The following KIAA0319L variants were observed in gnomAD, a reference collection of about 807,000 sequenced individuals.
The protein encoded by KIAA0319L is KIAA0319 like, also known as dyslexia-associated protein KIAA0319-like protein.
Under a neutral mutation model 120.1 loss-of-function variants are expected in KIAA0319L, and 55 were observed. The observed-to-expected ratio is 0.46, with a 90% CI of 0.37 to 0.57. KIAA0319L has a LOEUF of 0.57. Among genes scored for constraint, KIAA0319L ranks in the 20% least tolerant of loss-of-function variants. The pLI, the probability that KIAA0319L is intolerant of heterozygous loss-of-function variation, is 0.00. For missense variants in KIAA0319L, 1,049 were observed against 1,255.3 expected (o/e 0.84, Z 2.48); for synonymous variants, 398 against 471.9 (o/e 0.84, Z 2.03).
chr1:35,523,594 T>C (rs549603921), intron 2 of KIAA0319L, among the ~76,000 whole-genome samples: 41 of 152,070 alleles, frequency 2.7e-4, no homozygotes, highest in African/African-American at 8.9e-4. Context: ...TAAATGACGG[T>C]TGGTAGATGA....
At chr1:35,519,678 C>T (rs1192640638) in intron 2 of KIAA0319L, among the ~76,000 whole-genome samples, 1 of 152,106 alleles carries the variant, frequency 6.6e-6, no homozygotes, top group Non-Finnish European at 1.5e-5. Flanking sequence ...TGTGCTCAAA[C>T]CAGACCAGTG....
intron 4 of KIAA0319L, among the ~76,000 whole-genome samples, chr1:35,477,463 C>G (rs976344469): frequency 1.2e-4 from 19 of 152,036 alleles, no homozygotes; most frequent in South Asian, 4.1e-4. Flanking sequence ...GTCAGGAGAT[C>G]GAGACCATCC....
At chr1:35,518,404 C>A (rs1208090887) in intron 2 of KIAA0319L, among the ~76,000 whole-genome samples, 1 of 152,150 alleles carries the variant, frequency 6.6e-6, no homozygotes, top group Non-Finnish European at 1.5e-5. Flanking sequence ...GAGATCATGT[C>A]TTTTGCAGGA....
At chr1:35,463,533 C>A (rs1250070723) in intron 7 of KIAA0319L, among the ~76,000 whole-genome samples, 1 of 152,202 alleles carries the variant, frequency 6.6e-6, no homozygotes, top group African/African-American at 2.4e-5. Flanking sequence ...GGGAAGGTCA[C>A]AAACCACTCT....
intron 5 of KIAA0319L, among the ~76,000 whole-genome samples, chr1:35,473,440 T>G (rs1484717356): frequency 6.6e-6 from 1 of 152,080 alleles, no homozygotes; most frequent in East Asian, 1.9e-4. Context: ...AACACTGATC[T>G]ACAAAATGAT....
intron 9 of KIAA0319L, 48 bp from the exon 10 acceptor site, chr1:35,456,289 G>T: frequency 7.8e-7 from 1 of 1,274,414 alleles, no homozygotes; most frequent in Non-Finnish European, 1.1e-6. Flanking sequence ...TTTAAGGAAA[G>T]AGGAATAAAC....
intron 16 of KIAA0319L, among the ~76,000 whole-genome samples, chr1:35,445,330 T>C (rs1399894116): frequency 6.6e-6 from 1 of 152,192 alleles, no homozygotes; most frequent in Admixed American, 6.5e-5. Flanking sequence ...AAAAAAACTT[T>C]TGCCATAAAG....
chr1:35,539,119 A>G (rs1646695873), intron 2 of KIAA0319L, among the ~76,000 whole-genome samples: 1 of 152,160 alleles, frequency 6.6e-6, no homozygotes, highest in African/African-American at 2.4e-5. Context: ...AAGCCCTGGA[A>G]ACATATCGTA....
rs1254141786 is a variant in KIAA0319L, at chr1:35,506,308, T to TATTTC, written c.666+303_666+304insGAAAT. Among the ~76,000 whole-genome samples the TATTTC allele has an allele frequency of 6.6e-6, 1 of 152,164 alleles. No homozygotes were observed. The highest frequency in any genetic ancestry group is 1.5e-5 in the Non-Finnish European group (1 of 68,012). ...TTTGGCAGAAAATACTGCAGAATGG[T>TATTTC]TGGTGAATACTAACAGCCATACAAC... On this transcript the variant is annotated intron_variant, in intron 3 of 20. Coordinates refer to ENST00000325722, the MANE Select transcript of KIAA0319L (RefSeq NM_024874.5). The surrounding 1 kb of genome is among the most constrained non-coding windows in gnomAD (Gnocchi z 4.0).
rs561792920 is a variant in KIAA0319L at position 35,549,555 on chromosome 1, C to A, written c.142+4795G>T. Among the ~76,000 whole-genome samples the A allele has an allele frequency of 2.0e-4, 30 of 152,336 alleles. No homozygotes were observed. In the South Asian group the frequency reaches 3.3e-3, roughly 17 times the overall value. On this transcript the variant is annotated intron_variant, in intron 2 of 20. Transcript: ENST00000325722. The stretch of plus-strand genomic sequence containing the variant: ...GAAATGTCAGTACAAGTTTTCATAG[C>A]CAACTGTTAGCTCTGGGCCTAAGGA...
At chr1:35,473,471 A>G (rs1643765180) in intron 5 of KIAA0319L, among the ~76,000 whole-genome samples, 1 of 152,218 alleles carries the variant, frequency 6.6e-6, no homozygotes, top group South Asian at 2.1e-4. Flanking sequence ...AGAAAGGTAC[A>G]TGCAAATATG....
rs375563874 is a variant in KIAA0319L at position 35,556,339 on chromosome 1, G to A, written c.-29+868C>T. On this transcript the variant is annotated intron_variant, in intron 1 of 20. Transcript: ENST00000325722. ...ACGTGGAACTCCATTTATGTACACAGCGATAAGATATGTTTGAACAACGAT... is the reference window on the plus strand; with the variant it reads ...ACGTGGAACTCCATTTATGTACACAACGATAAGATATGTTTGAACAACGAT... 4.2e-4 allele frequency: 64 copies of A among 152,370 alleles called. 1 individual carries two copies. The highest frequency in any genetic ancestry group is 1.5e-3 in the African/African-American group (64 of 41,590). The allele number at this position is 152,370 out of a possible 1,614,324, so 9.4% of individuals were successfully genotyped here.
chr1:35,535,967 T>C lies in KIAA0319L; in HGVS notation c.142+18383A>G, dbSNP rs182638416. 1.3e-3 allele frequency among the ~76,000 whole-genome samples: 196 copies of C among 152,310 alleles called. 2 individuals carry two copies. In the East Asian group the frequency reaches 0.018, roughly 14 times the overall value. On this transcript the variant is annotated intron_variant, in intron 2 of 20. Coordinates refer to ENST00000325722, the MANE Select transcript of KIAA0319L (RefSeq NM_024874.5). Reference sequence around the variant, plus strand: ...AAAGTTCACCCAATATTTAAATAAATTTGTGGGATTTTTTCTATACTAACA... The same window carrying C: ...AAAGTTCACCCAATATTTAAATAAACTTGTGGGATTTTTTCTATACTAACA...
chr1:35,528,867 C>T (rs1482309030), intron 2 of KIAA0319L, among the ~76,000 whole-genome samples: 3 of 152,120 alleles, frequency 2.0e-5, no homozygotes, highest in African/African-American at 7.2e-5. Context: ...TTCTTTGTCT[C>T]TTTTTACTGG....
At chr1:35,496,985 A>C (rs1644834713) in intron 3 of KIAA0319L, among the ~76,000 whole-genome samples, 1 of 150,720 alleles carries the variant, frequency 6.6e-6, no homozygotes, top group South Asian at 2.1e-4. Context: ...CTACTGGCAT[A>C]TGTTATGACA....
intron 9 of KIAA0319L, among the ~76,000 whole-genome samples, chr1:35,459,476 AGT>A (rs1642732329): frequency 6.6e-6 from 1 of 152,034 alleles, no homozygotes; most frequent in African/African-American, 2.4e-5. Flanking sequence ...GGGTGCCTGT[AGT>A]CCCAGCTACT....
At chr1:35,553,168 C>G (rs2148520272) in intron 2 of KIAA0319L, among the ~76,000 whole-genome samples, 1 of 151,916 alleles carries the variant, frequency 6.6e-6, no homozygotes, top group Middle Eastern at 3.4e-3. Flanking sequence ...GAGTTTGAGG[C>G]TGCAGGCAGC....
At chr1:35,542,125 C>T (rs557968170) in intron 2 of KIAA0319L, among the ~76,000 whole-genome samples, 9 of 152,264 alleles carry the variant, frequency 5.9e-5, no homozygotes, top group South Asian at 2.1e-4. Context: ...GGTCATCTGG[C>T]GGTTAGACAA....
chr1:35,460,447 A>G lies in KIAA0319L; in HGVS notation c.1295-10T>C, dbSNP rs11806154. 3.7e-3 allele frequency: 5,930 copies of G among 1,610,908 alleles called. 184 individuals are homozygous for G. In the African/African-American group the frequency reaches 0.071, roughly 19 times the overall value. On this transcript the variant is annotated splice_polypyrimidine_tract_variant and intron_variant, in intron 8 of 20. Transcript: ENST00000325722. ...TCATCATCAGTGCTTTCTTGACCAT[A>G]AAGAAACATCAGTTACAACATGAGA...
Sources: gnomAD v4.1 joint callset for allele counts (sites outside exome capture counted in the v4.1 genomes callset) on GRCh38, gnomAD v4.1.1 for gene constraint, Gnocchi (gnomAD v3.1) non-coding constraint, MANE v1.5 for transcripts, NCBI Gene and HGNC (gene_info 2026-07-23, HGNC 2026-07-21) for gene names.